Variants in MFN2 observed in about 807,000 individuals in gnomAD.
The protein encoded by MFN2 is mitofusin 2, also known as mitofusin-2.
MFN2 carries 43 observed loss-of-function variants against 87.5 expected under a neutral mutation model. The ratio of observed to expected loss-of-function variants is 0.49; its 90% CI spans 0.38 to 0.63. MFN2 has a LOEUF of 0.63. Among genes scored for constraint, MFN2 ranks in the 30% least tolerant of loss-of-function variants. The probability of loss-of-function intolerance (pLI) is 0.00; values close to 1 mark genes in which losing one functional copy is unlikely to be tolerated. For missense variants in MFN2, 743 were observed against 972.8 expected (o/e 0.76, Z 3.14); for synonymous variants, 337 against 359.9 (o/e 0.94, Z 0.72).
chr1:11,998,058 A>G (rs1387589339), intron 6 of MFN2, among the ~76,000 whole-genome samples: 5 of 150,312 alleles, frequency 3.3e-5, no homozygotes, highest in Non-Finnish European at 7.4e-5. Context: ...TAAATTTTGT[A>G]TTTTTAGTAG....
At chr1:12,006,965 G>C in intron 16 of MFN2, 88 bp from the exon 17 acceptor site, 1 of 1,520,506 alleles carries the variant, frequency 6.6e-7, no homozygotes, top group Non-Finnish European at 9.1e-7. Flanking sequence ...CTTGGCTGGG[G>C]CCCTTCAGAT....
Position 12,007,166 on chromosome 1 carries a change from G to A in MFN2, c.1986G>A (p.Lys662=), listed in dbSNP as rs1260208756. 2.5e-6 allele frequency: 4 copies of A among 1,614,064 alleles called. No individual in the cohort carries two copies. The highest frequency in any genetic ancestry group is 3.4e-6 in the Non-Finnish European group (4 of 1,180,046). Reference sequence around the variant, plus strand: ...CCAAGGCCAAGGAGAGGGCCTTCAAGCGCCAGTTTGTGGAGCATGCCAGCG... The same window carrying A: ...CCAAGGCCAAGGAGAGGGCCTTCAAACGCCAGTTTGTGGAGCATGCCAGCG... ...WTTKAKERAF[K]RQFVEHASEK... is the part of the protein sequence containing the mutation. The change falls in exon 17 of 19, where the codon AAG becomes AAA. Residue 662 remains lysine, a synonymous_variant. Coordinates refer to ENST00000235329, the MANE Select transcript of MFN2 (RefSeq NM_014874.4).
chr1:12,007,297 T>A, intron 17 of MFN2, 48 bp downstream of exon 17: 1 of 1,589,510 alleles, frequency 6.3e-7, no homozygotes, highest in Admixed American at 1.8e-5. Context: ...TTAGGCAGGG[T>A]CAGCCCCATC....
Position 12,004,486 on chromosome 1 carries a change from C to T in MFN2, c.1288-23C>T, listed in dbSNP as rs970998425. On this transcript the variant is annotated intron_variant, in intron 12 of 18. Transcript: ENST00000235329. This position sits in a 1 kb window ranked among gnomAD's most constrained non-coding sequence, Gnocchi z 4.2. ...AACTTTGGTCTTCCTTGATACTTAA[C>T]AGTGTGCTTCCTTTTGCTGTAGGTG... 4.4e-6 allele frequency: 7 copies of T among 1,604,096 alleles called. No homozygotes were observed. In the East Asian group the frequency reaches 1.6e-4, roughly 36 times the overall value.
Position 12,001,999 on chromosome 1 carries a change from T to C in MFN2, c.1056T>C (p.Ser352=). 1 of 1,614,178 alleles carries C rather than the reference T, an allele frequency of 6.2e-7. No individual in the cohort carries two copies. Among genetic ancestry groups the C allele is most frequent in the East Asian group, 2.2e-5 (1 of 44,886 alleles). ...ERRFEECISQ[S]AVKTKFEQHT... ...TGTTCCAGGAGTGCATCTCCCAGTC[T>C]GCAGTGAAGACCAAGTTTGAGCAGC... Residue 352 remains serine (S), a synonymous_variant, in exon 11 of 19, where the codon TCT becomes TCC. Transcript: ENST00000235329.
At chr1:11,996,461 T>G in intron 5 of MFN2, 143 bp downstream of exon 5, 2 of 1,030,332 alleles carry the variant, frequency 1.9e-6, no homozygotes, top group East Asian at 2.6e-5. Context: ...ATGAACTTTT[T>G]GAAGGATGTA....
intron 1 of MFN2, among the ~76,000 whole-genome samples, chr1:11,981,434 C>T: frequency 6.6e-6 from 1 of 152,160 alleles, no homozygotes; most frequent in East Asian, 1.9e-4. Context: ...ACCCGGGAGG[C>T]GGAGGTTGAG....
In MFN2 at chr1:12,001,823, AGAG is replaced by A. The variant is rs770137057; in HGVS notation, c.1029_1031del (p.Arg344del). The A allele has an allele frequency of 6.2e-7, 1 of 1,614,110 alleles. No individual in the cohort carries two copies. Among genetic ancestry groups the A allele is most frequent in the Non-Finnish European group, 8.5e-7 (1 of 1,180,016 alleles). On this transcript the variant is annotated inframe_deletion, in exon 10 of 19. Transcript: ENST00000235329. Reference sequence around the variant, plus strand: ...AGGATGTTTGAGTTTCAGAATTTTGAGAGGAGATTTGAGGTGAGTCCTCTGATT... The same window carrying A: ...AGGATGTTTGAGTTTCAGAATTTTGAGAGATTTGAGGTGAGTCCTCTGATT...
At chr1:12,002,162 C>T in intron 11 of MFN2, 59 bp downstream of exon 11, 1 of 1,613,014 alleles carries the variant, frequency 6.2e-7, no homozygotes, top group South Asian at 1.1e-5. Flanking sequence ...GTGCTCCACC[C>T]CTGCCTTGGG....
chr1:11,998,722 A>G (rs750000711), intron 6 of MFN2, 48 bp from the exon 7 acceptor site: 3 of 1,557,226 alleles, frequency 1.9e-6, no homozygotes, highest in Non-Finnish European at 2.7e-6. Flanking sequence ...CAGGAAGAAT[A>G]GGGCTCCTGC....
chr1:11,999,827 G>T (rs930794838), intron 8 of MFN2, among the ~76,000 whole-genome samples: 9 of 149,422 alleles, frequency 6.0e-5, no homozygotes, highest in African/African-American at 2.2e-4. Context: ...GGGCGCGGTG[G>T]CTCACGCCTG....
Position 11,996,269 on chromosome 1 carries a change from A to G in MFN2, c.425A>G (p.His142Arg). The change falls in exon 5 of 19, where the codon CAT (histidine) becomes CGT (arginine). Residue 142 changes from histidine (H) to arginine (R), a missense_variant. Physicochemically the swap from His to Arg is conservative, Grantham distance 29. Around this residue, in one of 3 missense-constraint regions of MFN2, gnomAD observed 141 missense variants for 278.9 expected, o/e 0.51. Transcript: ENST00000235329. ...CFLRVEGTDG[H>R]EAFLLTEGSE... ...CTGCGGGTAGAGGGCACAGATGGCCATGAGGCCTTTCTCCTTACCGAGGGC... is the reference window on the plus strand; with the variant it reads ...CTGCGGGTAGAGGGCACAGATGGCCGTGAGGCCTTTCTCCTTACCGAGGGC... The G allele has an allele frequency of 2.5e-6, 4 of 1,614,196 alleles. No homozygotes were observed. Among genetic ancestry groups the G allele is most frequent in the Non-Finnish European group, 2.5e-6 (3 of 1,180,024 alleles).
At chr1:11,997,526 A>G (rs903127209) in intron 6 of MFN2, 105 bp downstream of exon 6, 4 of 1,487,718 alleles carry the variant, frequency 2.7e-6, no homozygotes, top group South Asian at 2.3e-5. Context: ...TGCTCTGCTT[A>G]AGTATTACTA....
In MFN2 at chr1:12,011,948, CCAGCCTGTGCGCACCTGCCCTCCTTG is replaced by C. The variant is rs746355588; in HGVS notation, c.*389_*414del. 1.7e-5 allele frequency: 5 copies of C among 296,048 alleles called. No individual in the cohort carries two copies. The Admixed American group carries it at 1.7e-4, about 10-fold the overall frequency. 18.3% of individuals were successfully genotyped at this position (296,048 alleles called of 1,614,324 possible). A position where few individuals can be genotyped will look rare whatever the true frequency, so the allele number is the denominator to read the frequency against. On this transcript the variant is annotated 3_prime_UTR_variant, in exon 19 of 19. Transcript: ENST00000235329. ...ATCACACAGACACCCCCACCTTCCT[CCAGCCTGTGCGCACCTGCCCTCCTTG>C]CAGCCCAGCACACCTGCAGGTGTAA...
intron 6 of MFN2, among the ~76,000 whole-genome samples, chr1:11,998,541 C>G (rs1428691976): frequency 8.0e-6 from 1 of 125,422 alleles, no homozygotes; most frequent in African/African-American, 3.1e-5. Context: ...GAGCAAGACT[C>G]TATATCCAAA....
intron 18 of MFN2, among the ~76,000 whole-genome samples, chr1:12,011,094 CAGAA>C (rs1374445909): frequency 2.0e-5 from 3 of 152,166 alleles, no homozygotes; most frequent in Non-Finnish European, 4.4e-5. Context: ...TGGGGACTCT[CAGAA>C]AGGGGGAATG....
At position 12,011,677 on chromosome 1, in the gene MFN2, G is replaced by C; in HGVS notation, c.*112G>C. ...TCCTGCCCCCTGGCCACTGCCAAGA[G>C]AATGAAGCACCCAGTCTCGTACCAT... is the stretch of plus-strand genomic sequence containing the variant. On this transcript the variant is annotated 3_prime_UTR_variant, in exon 19 of 19. Transcript: ENST00000235329. The C allele has an allele frequency of 9.0e-7, 1 of 1,112,064 alleles. No homozygotes were observed. The highest frequency in any genetic ancestry group is 1.3e-5 in the South Asian group (1 of 79,476). The allele number at this position is 1,112,064 out of a possible 1,614,324, so 68.9% of individuals were successfully genotyped here. A position where few individuals can be genotyped will look rare whatever the true frequency, so the allele number is the denominator to read the frequency against.
rs1639061149 is a variant in MFN2 at position 11,999,093 on chromosome 1, G to A, written c.814G>A (p.Glu272Lys). ...TGCCTCAGAGCCCGAGTACATGGAG[G>A]AGGTTCGTGCTTCTGTTTGGCAGTT... ...ASASEPEYME[E>K]VRRQHMERCT... Residue 272 changes from glutamate (E) to lysine (K), a missense_variant and splice_region_variant, in exon 8 of 19, where the codon GAG becomes AAG. Around this residue, in one of 3 missense-constraint regions of MFN2, gnomAD observed 571 missense variants for 670.7 expected, o/e 0.85. Transcript: ENST00000235329. 2 of 1,614,138 alleles carry A rather than the reference G, an allele frequency of 1.2e-6. No individual in the cohort carries two copies.
intron 4 of MFN2, among the ~76,000 whole-genome samples, chr1:11,994,854 A>G (rs6672267): frequency 0.65 from 99,091 of 152,044 alleles, 32,703 homozygotes; most frequent in South Asian, 0.69. Flanking sequence ...GATATGGCTG[A>G]GAAACTTCAA....
Sources: allele counts gnomAD v4.1 joint callset (sites outside exome capture counted in the v4.1 genomes callset), GRCh38; gene constraint gnomAD v4.1.1; regional missense constraint gnomAD v4.1.1; non-coding constraint Gnocchi (gnomAD v3.1); transcripts MANE v1.5; gene names NCBI Gene and HGNC (gene_info 2026-07-23, HGNC 2026-07-21).